Variants in COL11A2 observed in about 807,000 individuals in gnomAD.
The protein encoded by COL11A2 is collagen type XI alpha 2 chain.
A neutral mutation model predicts 273.4 loss-of-function variants in COL11A2; 116 were observed. That is an observed-to-expected ratio of 0.42 (90% CI 0.36 to 0.49). The LOEUF (loss-of-function observed/expected upper bound fraction) is 0.49, where lower values mean the gene tolerates loss of function less well. COL11A2 is among the 20% of genes least tolerant of loss of function. The pLI, the probability that COL11A2 is intolerant of heterozygous loss-of-function variation, is 0.00. For synonymous variants in COL11A2, 782 were observed against 864.2 expected (o/e 0.90, Z 1.67); for missense variants, 1,866 against 2,309.0 (o/e 0.81, Z 3.93).
At position 33,178,396 on chromosome 6, in the gene COL11A2, T is replaced by C; in HGVS notation, c.1773+39A>G. ...GTAAAGCTGCTGTGCCTTCTAGACC[T>C]CCCCTGCACCCAGCCCCTACATTTG... On this transcript the variant is annotated intron_variant, in intron 19 of 65. Coordinates refer to ENST00000341947, the MANE Select transcript of COL11A2 (RefSeq NM_080680.3). The surrounding 1 kb of genome is among the most constrained non-coding windows in gnomAD (Gnocchi z 4.6). 3 of 1,612,424 alleles carry C rather than the reference T, an allele frequency of 1.9e-6. No homozygotes were observed. Among genetic ancestry groups the C allele is most frequent in the Non-Finnish European group, 2.5e-6 (3 of 1,179,874 alleles).
In COL11A2 at chr6:33,178,462, A is replaced by G. The variant is rs1307024301; in HGVS notation, c.1746T>C (p.Pro582=). The G allele has an allele frequency of 6.2e-7, 1 of 1,612,872 alleles. No homozygotes were observed. The highest frequency in any genetic ancestry group is 2.2e-5 in the East Asian group (1 of 44,886). ...TCTCTCCATCCTCACCAGGGGGACC[A>G]GGAAGGCCCTGGGCACCAGTATCAC... is the stretch of plus-strand genomic sequence containing the variant. ...HRGDTGAQGL[P]GPPGEDGERG... Residue 582 remains proline (P), a synonymous_variant, in exon 19 of 66, where the codon CCT becomes CCC. Transcript: ENST00000341947. The surrounding 1 kb of genome is among the most constrained non-coding windows in gnomAD (Gnocchi z 4.6).
rs1376617150 is a variant in COL11A2 at position 33,164,203 on chromosome 6, T to C, written c.5070+64A>G. The C allele has an allele frequency of 1.3e-6, 2 of 1,584,670 alleles. No individual in the cohort carries two copies. The highest frequency in any genetic ancestry group is 1.7e-6 in the Non-Finnish European group (2 of 1,161,728). ...CCTGGGTGCCCTGCCCAAGGGGTCT[T>C]CCCACCTCCTTCCTCCAGCCTGAGT... On this transcript the variant is annotated intron_variant, in intron 65 of 65. Transcript: ENST00000341947. This position sits in a 1 kb window ranked among gnomAD's most constrained non-coding sequence, Gnocchi z 4.7.
In COL11A2 at chr6:33,176,742, G is replaced by T. The variant is rs566946994; in HGVS notation, c.2094C>A (p.Pro698=). The T allele has an allele frequency of 5.0e-6, 8 of 1,613,218 alleles. No homozygotes were observed. Among genetic ancestry groups the T allele is most frequent in the Non-Finnish European group, 6.8e-6 (8 of 1,179,684 alleles). The change falls in exon 26 of 66, where the codon CCC becomes CCA. Residue 698 remains proline, a synonymous_variant. Coordinates refer to ENST00000341947, the MANE Select transcript of COL11A2 (RefSeq NM_080680.3). This position sits in a 1 kb window ranked among gnomAD's most constrained non-coding sequence, Gnocchi z 4.9. ...TCACCTGGTTTCCTTTGGTTCCAGG[G>T]GGACCTTCCTTCCCTGGGTGACCCT... The part of the protein sequence containing the change: ...GPPGHPGKEG[P]PGTKGNQGPS...
chr6:33,167,033 G>A lies in COL11A2; in HGVS notation c.4230+37C>T, dbSNP rs1709746482. 27 of 1,611,870 alleles carry A rather than the reference G, an allele frequency of 1.7e-5. No homozygotes were observed. The highest frequency in any genetic ancestry group is 2.3e-5 in the Non-Finnish European group (27 of 1,179,426). On this transcript the variant is annotated intron_variant, in intron 58 of 65. Coordinates refer to ENST00000341947, the MANE Select transcript of COL11A2 (RefSeq NM_080680.3). The surrounding 1 kb of genome is among the most constrained non-coding windows in gnomAD (Gnocchi z 6.1). The stretch of plus-strand genomic sequence containing the variant: ...ACAGGTTTCAGGGGCGAGGGTGATG[G>A]GAGAGACACCTGGCCACGTGTCTGT...
chr6:33,164,464 C>A lies in COL11A2; in HGVS notation c.4873G>T (p.Val1625Leu). ...PRDDVTQFSY[V>L]DSEGSPVGVV... Reference sequence around the variant, plus strand: ...CCCACTGGGGAGCCCTCTGAGTCCACGTAAGAGAACTGGAAGGAGAGAGAG... The same window carrying A: ...CCCACTGGGGAGCCCTCTGAGTCCAAGTAAGAGAACTGGAAGGAGAGAGAG... The change falls in exon 65 of 66, where the codon GTG becomes TTG. Residue 1625 changes from valine (V) to leucine (L), a missense_variant. Physicochemically the swap from Val to Leu is conservative, Grantham distance 32. Transcript: ENST00000341947. This position sits in a 1 kb window ranked among gnomAD's most constrained non-coding sequence, Gnocchi z 4.7. The A allele has an allele frequency of 6.4e-7, 1 of 1,550,620 alleles. No individual in the cohort carries two copies. Among genetic ancestry groups the A allele is most frequent in the South Asian group, 1.2e-5 (1 of 84,236 alleles).
Position 33,184,206 on chromosome 6 carries a change from T to C in COL11A2, c.1058A>G (p.Asp353Gly). 7.3e-7 allele frequency: 1 copy of C among 1,367,522 alleles called. No individual in the cohort carries two copies. 84.7% of individuals were successfully genotyped at this position (1,367,522 alleles called of 1,614,324 possible). A position where few individuals can be genotyped will look rare whatever the true frequency, so the allele number is the denominator to read the frequency against. ...PYDYTYGYGDDYREETELGPA... is the reference protein window; with the variant it reads ...PYDYTYGYGDGYREETELGPA... ...GCCAAGCTCTGTCTCCTCACGATAA[T>C]CATCCCCATAGCCATAGGTGTAATC... The change falls in exon 8 of 66, where the codon GAT becomes GGT. Residue 353 changes from aspartate to glycine, a missense_variant. Transcript: ENST00000341947.
chr6:33,176,588 A>G lies in COL11A2; in HGVS notation c.2116-102T>C, dbSNP rs546563630. The G allele has an allele frequency of 1.2e-4, 173 of 1,390,354 alleles. 2 individuals carry two copies. In the East Asian group the frequency reaches 4.0e-3, roughly 32 times the overall value. 86.1% of individuals were successfully genotyped at this position (1,390,354 alleles called of 1,614,324 possible). ...GAAGTAACAACATTGCTGTCTGGGT[A>G]GGGTTACGGGGCACAGGAATTGAGA... On this transcript the variant is annotated intron_variant, in intron 26 of 65. Transcript: ENST00000341947. The surrounding 1 kb of genome is among the most constrained non-coding windows in gnomAD (Gnocchi z 4.9).
chr6:33,170,808 A>T lies in COL11A2; in HGVS notation c.3474+2T>A. 1 of 1,609,902 alleles carries T rather than the reference A, an allele frequency of 6.2e-7. No homozygotes were observed. Among genetic ancestry groups the T allele is most frequent in the Non-Finnish European group, 8.5e-7 (1 of 1,178,822 alleles). ...CAGCCCCTGTCCTATCCCCCAACAC[A>T]CCTGTAGGCCAATGGGTCCTGGGGG... On this transcript the variant is annotated splice_donor_variant, in intron 46 of 65. Transcript: ENST00000341947. LOFTEE classifies it high-confidence loss of function. This position sits in a 1 kb window ranked among gnomAD's most constrained non-coding sequence, Gnocchi z 4.3.
In COL11A2 at chr6:33,189,024, G is replaced by T; in HGVS notation, c.397C>A (p.Pro133Thr). 1 of 1,614,208 alleles carries T rather than the reference G, an allele frequency of 6.2e-7. No individual in the cohort carries two copies. ...LYEDQTGRPQ[P>T]PSQPVFRGLS... The stretch of plus-strand genomic sequence containing the variant: ...CCTCGGAAGACTGGCTGAGAGGGAG[G>T]TTGAGGCCGCCCAGTCTGGTCTTCA... Residue 133 changes from proline to threonine, a missense_variant, in exon 3 of 66, where the codon CCT becomes ACT. Pro to Thr is a conservative substitution (Grantham distance 38). Coordinates refer to ENST00000341947, the MANE Select transcript of COL11A2 (RefSeq NM_080680.3). The surrounding 1 kb of genome is among the most constrained non-coding windows in gnomAD (Gnocchi z 5.6).
At position 33,163,583 on chromosome 6, in the gene COL11A2, T is replaced by G. The variant is rs943283659; in HGVS notation, c.*95A>C. 3 of 1,576,144 alleles carry G rather than the reference T, an allele frequency of 1.9e-6. No individual in the cohort carries two copies. The highest frequency in any genetic ancestry group is 3.3e-5 in the Admixed American group (2 of 59,898). On this transcript the variant is annotated 3_prime_UTR_variant, in exon 66 of 66. Coordinates refer to ENST00000341947, the MANE Select transcript of COL11A2 (RefSeq NM_080680.3). The surrounding 1 kb of genome is among the most constrained non-coding windows in gnomAD (Gnocchi z 4.1). ...ACGCCCTGGCCCAGGGCTCCCTAGA[T>G]AGTGAGGAGCCCTCTTGGGAGGTGG... is the stretch of plus-strand genomic sequence containing the variant.
rs1450967009 is a variant in COL11A2, at chr6:33,188,982, C to T, written c.439G>A (p.Gly147Ser). 1 of 1,614,178 alleles carries T rather than the reference C, an allele frequency of 6.2e-7. No homozygotes were observed. Among genetic ancestry groups the T allele is most frequent in the East Asian group, 2.2e-5 (1 of 44,886 alleles). ...PVFRGLSLAD[G>S]KWHRVAVAVK... ...CAGAGGAGCAAACAAACTTACTTGC[C>T]ATCTGCTAGGCTGAGGCCTCGGAAG... The change falls in exon 3 of 66, where the codon GGC becomes AGC. Residue 147 changes from glycine (G) to serine (S), a missense_variant. By Grantham distance (56) the Gly-to-Ser change is moderately conservative (BLOSUM62 0). Transcript: ENST00000341947.
Position 33,179,300 on chromosome 6 carries a change from G to A in COL11A2, c.1504-16C>T. 6.2e-7 allele frequency: 1 copy of A among 1,607,570 alleles called. No homozygotes were observed. The highest frequency in any genetic ancestry group is 8.5e-7 in the Non-Finnish European group (1 of 1,177,772). ...CAGGTTGGCCCTGGGAGAGAGAAGA[G>A]AGGATGGCCGTAAGGAAGGACACAG... On this transcript the variant is annotated splice_polypyrimidine_tract_variant and intron_variant, in intron 14 of 65. Transcript: ENST00000341947. The surrounding 1 kb of genome is among the most constrained non-coding windows in gnomAD (Gnocchi z 6.4).
In COL11A2 at chr6:33,176,763, A is replaced by T; in HGVS notation, c.2073T>A (p.Gly691=). ...CAGGGGGACCTTCCTTCCCTGGGTG[A>T]CCCTGGGAGTAAGGGATAGAAAATG... is the stretch of plus-strand genomic sequence containing the variant. The part of the protein sequence containing the change: ...PGMPGSDGPP[G]HPGKEGPPGT... Residue 691 remains glycine (G), a splice_region_variant and synonymous_variant, in exon 26 of 66, where the codon GGT becomes GGA. Coordinates refer to ENST00000341947, the MANE Select transcript of COL11A2 (RefSeq NM_080680.3). The surrounding 1 kb of genome is among the most constrained non-coding windows in gnomAD (Gnocchi z 4.9). 1 of 1,612,804 alleles carries T rather than the reference A, an allele frequency of 6.2e-7. No homozygotes were observed. The highest frequency in any genetic ancestry group is 8.5e-7 in the Non-Finnish European group (1 of 1,179,578).
Position 33,189,775 on chromosome 6 carries a change from G to A in COL11A2, c.83-306C>T, listed in dbSNP as rs967468084. Among the ~76,000 whole-genome samples the A allele has an allele frequency of 1.3e-5, 2 of 152,058 alleles. No individual in the cohort carries two copies. The highest frequency in any genetic ancestry group is 6.5e-5 in the Admixed American group (1 of 15,284). On this transcript the variant is annotated intron_variant, in intron 1 of 65. Transcript: ENST00000341947. This position sits in a 1 kb window ranked among gnomAD's most constrained non-coding sequence, Gnocchi z 5.6. ...GAATCTGTCTCTCTCTGTACTCTCT[G>A]AATACTTCTCTCAACTCTTCATCTG...
Position 33,166,647 on chromosome 6 carries a change from C to T in COL11A2, c.4338+73G>A, listed in dbSNP as rs1347999630. On this transcript the variant is annotated intron_variant, in intron 59 of 65. Coordinates refer to ENST00000341947, the MANE Select transcript of COL11A2 (RefSeq NM_080680.3). The surrounding 1 kb of genome is among the most constrained non-coding windows in gnomAD (Gnocchi z 4.8). ...CCTGCTCGCTTACCCACAGCTGAGT[C>T]CCAACTCCAACTCCACCCCTCTCCA... is the stretch of plus-strand genomic sequence containing the variant. 31 of 1,611,236 alleles carry T rather than the reference C, an allele frequency of 1.9e-5. No individual in the cohort carries two copies. Among genetic ancestry groups the T allele is most frequent in the South Asian group, 8.8e-5 (8 of 90,930 alleles).
rs768080200 is a variant in COL11A2, at chr6:33,175,700, C to A, written c.2269-19G>T. On this transcript the variant is annotated intron_variant, in intron 29 of 65. Coordinates refer to ENST00000341947, the MANE Select transcript of COL11A2 (RefSeq NM_080680.3). ...CTTCGCCCTGTGTGAGAGGGAAGGA[C>A]AGGTGAGTGCTGGGGACTGGAGGTG... 6.2e-7 allele frequency: 1 copy of A among 1,605,948 alleles called. No homozygotes were observed. Among genetic ancestry groups the A allele is most frequent in the Non-Finnish European group, 8.5e-7 (1 of 1,173,692 alleles).
rs779451024 is a variant in COL11A2, at chr6:33,189,665, G to C, written c.83-196C>G. On this transcript the variant is annotated intron_variant, in intron 1 of 65. Transcript: ENST00000341947. The surrounding 1 kb of genome is among the most constrained non-coding windows in gnomAD (Gnocchi z 5.6). ...GGTACCTGGAGGCAGGGCAGCATCA[G>C]CTGGCATTCAACCCCATGACACTCC... is the stretch of plus-strand genomic sequence containing the variant. Among the ~76,000 whole-genome samples, 1 of 152,196 alleles carries C rather than the reference G, an allele frequency of 6.6e-6. No homozygotes were observed. Among genetic ancestry groups the C allele is most frequent in the Non-Finnish European group, 1.5e-5 (1 of 68,030 alleles).
chr6:33,193,391 G>A (rs1773475500), upstream of COL11A2, among the ~76,000 whole-genome samples: 2 of 129,126 alleles, frequency 1.5e-5, no homozygotes, highest in South Asian at 2.5e-4. Context: ...TCCTCCTCCG[G>A]CCGGCCCCGC....
rs750916339 is a variant in COL11A2, at chr6:33,176,009, T to C, written c.2268+7A>G. 3 of 1,612,968 alleles carry C rather than the reference T, an allele frequency of 1.9e-6. No homozygotes were observed. Among genetic ancestry groups the C allele is most frequent in the Non-Finnish European group, 2.5e-6 (3 of 1,179,994 alleles). ...GGAATTGGGGCCAGTGTGGGGTCTCTACTCACCCTGTCACCTTTCACGCCT... is the reference window on the plus strand; with the variant it reads ...GGAATTGGGGCCAGTGTGGGGTCTCCACTCACCCTGTCACCTTTCACGCCT... On this transcript the variant is annotated splice_region_variant and intron_variant, in intron 29 of 65. Coordinates refer to ENST00000341947, the MANE Select transcript of COL11A2 (RefSeq NM_080680.3). This position sits in a 1 kb window ranked among gnomAD's most constrained non-coding sequence, Gnocchi z 4.9.
Sources: allele counts gnomAD v4.1 joint callset (sites outside exome capture counted in the v4.1 genomes callset), GRCh38; gene constraint gnomAD v4.1.1; non-coding constraint Gnocchi (gnomAD v3.1); transcripts MANE v1.5; gene names NCBI Gene and HGNC (gene_info 2026-07-23, HGNC 2026-07-21).